Variants in CD28 observed in about 807,000 individuals in gnomAD.
CD28 encodes CD28 molecule.
Under a neutral mutation model 21.4 loss-of-function variants are expected in CD28, and 8 were observed. The observed-to-expected ratio is 0.37, with a 90% confidence interval of 0.22 to 0.68. The LOEUF (loss-of-function observed/expected upper bound fraction) is 0.68, where lower values mean the gene tolerates loss of function less well. CD28 is among the 30% of genes least tolerant of loss of function. The probability of loss-of-function intolerance (pLI) is 0.55; values close to 1 mark genes in which losing one functional copy is unlikely to be tolerated. For missense variants in CD28, 239 were observed against 272.2 expected, an observed-to-expected ratio of 0.88 and a Z score of 0.86; for synonymous variants, 106 against 104.0, an observed-to-expected ratio of 1.02 and a Z score of -0.12.
rs1002989008 is a variant in CD28 at position 203,737,703 on chromosome 2, C to A, written c.*2791C>A. On this transcript the variant is annotated 3_prime_UTR_variant, in exon 4 of 4. Transcript: ENST00000324106. ...CATTTGCTGCTATTATTGTAAGAGTCTTATAATTAATGGTACTCCTATAAT... is the reference window on the plus strand; with the variant it reads ...CATTTGCTGCTATTATTGTAAGAGTATTATAATTAATGGTACTCCTATAAT... The A allele has an allele frequency of 6.6e-6, 1 of 152,530 alleles. No individual in the cohort carries two copies. The highest frequency in any genetic ancestry group is 1.5e-5 in the Non-Finnish European group (1 of 68,022). The allele number at this position is 152,530 out of a possible 1,614,324, so 9.4% of individuals were successfully genotyped here. A position where few individuals can be genotyped will look rare whatever the true frequency, so the allele number is the denominator to read the frequency against.
At chr2:203,722,915 T>G (rs1340170357) in intron 1 of CD28, among the ~76,000 whole-genome samples, 2 of 152,190 alleles carry the variant, frequency 1.3e-5, no homozygotes, top group Non-Finnish European at 2.9e-5. Flanking sequence ...GAGGCCGATT[T>G]GAGGATAAGA....
chr2:203,733,731 G>T (rs560198086), intron 3 of CD28, among the ~76,000 whole-genome samples: 1 of 152,316 alleles, frequency 6.6e-6, no homozygotes, highest in Admixed American at 6.5e-5. Flanking sequence ...ACAAAAAGAA[G>T]AGAGTTATCA....
intron 1 of CD28, among the ~76,000 whole-genome samples, chr2:203,707,957 T>A (rs1462702195): frequency 6.6e-6 from 1 of 152,208 alleles, no homozygotes; most frequent in Non-Finnish European, 1.5e-5. Context: ...ATTCAACGTG[T>A]TCTCAGAGTT....
At position 203,735,102 on chromosome 2, in the gene CD28, G is replaced by T. The variant is rs573551913; in HGVS notation, c.*190G>T. On this transcript the variant is annotated 3_prime_UTR_variant, in exon 4 of 4. Transcript: ENST00000324106. ...TGAGACTCTGAAATGAAGTAAAAGA[G>T]ATTTCCTGTGACAGGCCAAGTCTTA... 3.1e-6 allele frequency: 2 copies of T among 643,808 alleles called. No homozygotes were observed. Among genetic ancestry groups the T allele is most frequent in the African/African-American group, 1.8e-5 (1 of 54,556 alleles). 39.9% of individuals were successfully genotyped at this position (643,808 alleles called of 1,614,324 possible).
In CD28 at chr2:203,729,527, T is replaced by A. The variant is rs909836952; in HGVS notation, c.410-121T>A. ...TCTCAAAGAGGAAATCTATTCACTC[T>A]AAGCTGGTGATATGTTTAATATTTT... On this transcript the variant is annotated intron_variant, in intron 2 of 3. Transcript: ENST00000324106. The A allele has an allele frequency of 2.9e-6, 3 of 1,050,842 alleles. No individual in the cohort carries two copies. The African/African-American group carries it at 4.8e-5, about 17-fold the overall frequency. The allele number at this position is 1,050,842 out of a possible 1,614,324, so 65.1% of individuals were successfully genotyped here.
At position 203,737,677 on chromosome 2, in the gene CD28, T is replaced by C. The variant is rs1231479583; in HGVS notation, c.*2765T>C. 6.5e-6 allele frequency: 1 copy of C among 152,728 alleles called. No homozygotes were observed. The highest frequency in any genetic ancestry group is 2.1e-4 in the South Asian group (1 of 4,818). 9.5% of individuals were successfully genotyped at this position (152,728 alleles called of 1,614,324 possible). On this transcript the variant is annotated 3_prime_UTR_variant, in exon 4 of 4. Transcript: ENST00000324106. ...TATGGTAGTTATGAAGAAAACAATGTCATTTGCTGCTATTATTGTAAGAGT... is the reference window on the plus strand; with the variant it reads ...TATGGTAGTTATGAAGAAAACAATGCCATTTGCTGCTATTATTGTAAGAGT...
intron 1 of CD28, among the ~76,000 whole-genome samples, chr2:203,711,626 A>C (rs759765798): frequency 1.3e-5 from 2 of 152,106 alleles, no homozygotes; most frequent in Non-Finnish European, 2.9e-5. Flanking sequence ...ATTCAGAATT[A>C]CTCACTCATA....
intron 1 of CD28, among the ~76,000 whole-genome samples, chr2:203,723,013 C>CT (rs1693644390): frequency 6.6e-6 from 1 of 152,116 alleles, no homozygotes; most frequent in Admixed American, 6.5e-5. Flanking sequence ...TGAATGGATG[C>CT]CTGGGTCCTA....
At chr2:203,727,723 A>T (rs1347691848) in intron 2 of CD28, among the ~76,000 whole-genome samples, 2 of 151,210 alleles carry the variant, frequency 1.3e-5, no homozygotes, top group Non-Finnish European at 2.9e-5. Flanking sequence ...TCTGTCGCCC[A>T]GGCTGGAATG....
rs1327102793 is a variant in CD28, at chr2:203,732,556, C to T, written c.535-2228C>T. Reference sequence around the variant, plus strand: ...AAGACCACGTACTTAAGTAGATTACCTTGCATATGCCCTGTGTATTGCTGC... The same window carrying T: ...AAGACCACGTACTTAAGTAGATTACTTTGCATATGCCCTGTGTATTGCTGC... On this transcript the variant is annotated intron_variant, in intron 3 of 3. Transcript: ENST00000324106. Among the ~76,000 whole-genome samples, 6 of 152,136 alleles carry T rather than the reference C, an allele frequency of 3.9e-5. No individual in the cohort carries two copies. The East Asian group carries it at 1.2e-3, about 29-fold the overall frequency.
At chr2:203,720,447 A>G (rs1004849710) in intron 1 of CD28, among the ~76,000 whole-genome samples, 1 of 152,354 alleles carries the variant, frequency 6.6e-6, no homozygotes, top group East Asian at 1.9e-4. Flanking sequence ...GAACACTCAC[A>G]AGAAGTAAAA....
In CD28 at chr2:203,735,018, C is replaced by G. The variant is rs1243558271; in HGVS notation, c.*106C>G. 3 of 1,406,834 alleles carry G rather than the reference C, an allele frequency of 2.1e-6. No individual in the cohort carries two copies. Among genetic ancestry groups the G allele is most frequent in the Non-Finnish European group, 2.9e-6 (3 of 1,038,604 alleles). 87.1% of individuals were successfully genotyped at this position (1,406,834 alleles called of 1,614,324 possible). ...ATCTCCAGCCGGCCACCTCAGGCCC[C>G]TGTTGGGCCACCAATGCCAATTTTT... On this transcript the variant is annotated 3_prime_UTR_variant, in exon 4 of 4. Transcript: ENST00000324106.
At chr2:203,723,454 TCCAGCCTG>T (rs1324237459) in intron 1 of CD28, among the ~76,000 whole-genome samples, 1 of 151,000 alleles carries the variant, frequency 6.6e-6, no homozygotes, top group Admixed American at 6.6e-5. Context: ...GCCACTGCAC[TCCAGCCTG>T]GGTGACAGAG....
chr2:203,711,610 G>A (rs1159669786), intron 1 of CD28, among the ~76,000 whole-genome samples: 2 of 152,128 alleles, frequency 1.3e-5, no homozygotes, highest in African/African-American at 2.4e-5. Flanking sequence ...GGTTCCTGAT[G>A]GTATCATTCA....
rs769540080 is a variant in CD28, at chr2:203,726,688, CA to C, written c.110del (p.Asn37ThrfsTer59). The part of the protein sequence containing the change: ...PMLVAYDNAV[N>X]LSCKYSYNLF... Reference sequence around the variant, plus strand: ...TGCTTGTAGCGTACGACAATGCGGTCAACCTTAGCTGCAAGTATTCCTACAA... The same window carrying C: ...TGCTTGTAGCGTACGACAATGCGGTCACCTTAGCTGCAAGTATTCCTACAA... On this transcript the variant is annotated frameshift_variant, in exon 2 of 4. Coordinates refer to ENST00000324106, the MANE Select transcript of CD28 (RefSeq NM_006139.4). LOFTEE classifies it high-confidence loss of function. The C allele has an allele frequency of 2.2e-5, 36 of 1,613,920 alleles. No individual in the cohort carries two copies. The highest frequency in any genetic ancestry group is 3.0e-5 in the Non-Finnish European group (35 of 1,180,006).
At chr2:203,714,007 A>G (rs987524306) in intron 1 of CD28, among the ~76,000 whole-genome samples, 1 of 151,852 alleles carries the variant, frequency 6.6e-6, no homozygotes, top group African/African-American at 2.4e-5. Context: ...TCAAGGAGAT[A>G]GGGAGGGAGA....
At chr2:203,707,182 C>CT (rs1003138273) in intron 1 of CD28, among the ~76,000 whole-genome samples, 63 of 148,330 alleles carry the variant, frequency 4.2e-4, no homozygotes, top group South Asian at 6.4e-4. Flanking sequence ...TTCTTTCTTT[C>CT]TTTTTTTTTT....
intron 1 of CD28, among the ~76,000 whole-genome samples, chr2:203,709,925 C>A (rs935471892): frequency 6.6e-6 from 1 of 152,212 alleles, no homozygotes; most frequent in Non-Finnish European, 1.5e-5. Context: ...CTTCCCTTAG[C>A]GCTTATTTTT....
intron 1 of CD28, among the ~76,000 whole-genome samples, chr2:203,710,871 T>G (rs1693293493): frequency 6.6e-6 from 1 of 152,226 alleles, no homozygotes; most frequent in Admixed American, 6.5e-5. Context: ...AATCTTCTTC[T>G]CTTTCTCATG....
Sources: gnomAD v4.1 joint callset for allele counts (sites outside exome capture counted in the v4.1 genomes callset) on GRCh38, gnomAD v4.1.1 for gene constraint, MANE v1.5 for transcripts, NCBI Gene and HGNC (gene_info 2026-07-23, HGNC 2026-07-21) for gene names.